Variants in CAPZA2 observed in about 807,000 individuals in gnomAD.
The protein encoded by CAPZA2 is capping actin protein of muscle Z-line subunit alpha 2.
CAPZA2 carries 13 observed loss-of-function variants against 44.0 expected under a neutral mutation model. That is an observed-to-expected ratio of 0.30 (90% CI 0.19 to 0.47). CAPZA2 has a LOEUF of 0.47. Ranked by LOEUF, CAPZA2 falls within the 20% of genes least tolerant of loss-of-function variation. The pLI, the probability that CAPZA2 is intolerant of heterozygous loss-of-function variation, is 1.00. For missense variants in CAPZA2, 244 were observed against 338.6 expected, an observed-to-expected ratio of 0.72 and a Z score of 2.19; for synonymous variants, 94 against 108.2, an observed-to-expected ratio of 0.87 and a Z score of 0.81.
intron 7 of CAPZA2, among the ~76,000 whole-genome samples, chr7:116,911,226 T>A (rs1389406666): frequency 6.6e-6 from 1 of 152,186 alleles, no homozygotes; most frequent in African/African-American, 2.4e-5. Context: ...TGATTCACAG[T>A]ACAGTCTTCA....
At chr7:116,902,829 T>A (rs1336945211) in intron 4 of CAPZA2, among the ~76,000 whole-genome samples, 2 of 152,176 alleles carry the variant, frequency 1.3e-5, no homozygotes, top group African/African-American at 4.8e-5. Flanking sequence ...CTCAATCTCC[T>A]GGGCTGAGTA....
At chr7:116,875,312 A>G (rs1190789188) in intron 1 of CAPZA2, 2 of 152,192 alleles carry the variant, frequency 1.3e-5, no homozygotes, top group Non-Finnish European at 2.9e-5. Context: ...TTGCTCCATC[A>G]AAGAACATTT....
chr7:116,904,403 T>A lies in CAPZA2; in HGVS notation c.426+20T>A. 1 of 1,479,682 alleles carries A rather than the reference T, an allele frequency of 6.8e-7. No individual in the cohort carries two copies. Among genetic ancestry groups the A allele is most frequent in the African/African-American group, 1.4e-5 (1 of 72,386 alleles). The allele number at this position is 1,479,682 out of a possible 1,614,324, so 91.7% of individuals were successfully genotyped here. A position where few individuals can be genotyped will look rare whatever the true frequency, so the allele number is the denominator to read the frequency against. On this transcript the variant is annotated intron_variant, in intron 5 of 9. Coordinates refer to ENST00000361183, the MANE Select transcript of CAPZA2 (RefSeq NM_006136.3). The stretch of plus-strand genomic sequence containing the variant: ...TGCACTGTAAGTCATCAGTAGCAGC[T>A]TTGTGTGTGTGTTTTGTGTAAATGT...
At chr7:116,888,279 T>G in intron 2 of CAPZA2, 89 bp downstream of exon 2, 1 of 842,400 alleles carries the variant, frequency 1.2e-6, no homozygotes, top group Non-Finnish European at 1.9e-6. Context: ...CTAAGGACAG[T>G]ATGCAGAAAA....
intron 1 of CAPZA2, among the ~76,000 whole-genome samples, chr7:116,883,437 G>C (rs1796724492): frequency 6.6e-6 from 1 of 152,218 alleles, no homozygotes; most frequent in African/African-American, 2.4e-5. Flanking sequence ...TTTACTGTGA[G>C]AGACATCCTT....
intron 1 of CAPZA2, among the ~76,000 whole-genome samples, chr7:116,871,453 T>G (rs1796553519): frequency 1.3e-5 from 2 of 152,200 alleles, no homozygotes; most frequent in South Asian, 4.1e-4. Context: ...ACCTTGTTAT[T>G]ATCTTCATTG....
At chr7:116,883,719 G>C (rs1057388022) in intron 1 of CAPZA2, among the ~76,000 whole-genome samples, 2 of 152,098 alleles carry the variant, frequency 1.3e-5, no homozygotes, top group African/African-American at 4.8e-5. Context: ...TAAAAATGCA[G>C]TACAGATCAT....
intron 6 of CAPZA2, chr7:116,909,945 G>A (rs1023581713): frequency 3.2e-5 from 12 of 373,428 alleles, no homozygotes; most frequent in African/African-American, 6.2e-5. Flanking sequence ...GTGGCAAACA[G>A]CACTGCACAC....
intron 1 of CAPZA2, chr7:116,886,104 T>C (rs531659961): frequency 6.5e-5 from 10 of 154,892 alleles, no homozygotes; most frequent in Admixed American, 2.6e-4. Context: ...AAAAAGATGA[T>C]AAGATGATAA....
intron 2 of CAPZA2, among the ~76,000 whole-genome samples, chr7:116,890,439 G>A (rs1796816062): frequency 6.8e-6 from 1 of 147,432 alleles, no homozygotes; most frequent in South Asian, 2.1e-4. Context: ...GGGAGGCCAA[G>A]CCCGGTGGAT....
intron 2 of CAPZA2, chr7:116,888,471 T>C: frequency 3.7e-6 from 1 of 273,562 alleles, no homozygotes; most frequent in Non-Finnish European, 6.7e-6. Flanking sequence ...AGAGTCTTTT[T>C]GGTAAATGGT....
intron 1 of CAPZA2, chr7:116,876,500 T>C (rs1193815544): frequency 2.0e-5 from 3 of 152,328 alleles, no homozygotes; most frequent in South Asian, 4.1e-4. Context: ...AAAAATAATA[T>C]GATCTGTGGA....
At chr7:116,902,887 T>C (rs532896201) in intron 4 of CAPZA2, among the ~76,000 whole-genome samples, 1 of 152,038 alleles carries the variant, frequency 6.6e-6, no homozygotes, top group African/African-American at 2.4e-5. Context: ...TTTTAAAAAA[T>C]TTTTTTGTAG....
intron 1 of CAPZA2, among the ~76,000 whole-genome samples, chr7:116,885,827 C>G (rs1355459094): frequency 6.6e-6 from 1 of 152,188 alleles, no homozygotes; most frequent in Non-Finnish European, 1.5e-5. Context: ...CCGAAGCTCT[C>G]CAAACCCTCT....
rs563325794 is a variant in CAPZA2, at chr7:116,907,082, A to G, written c.506+740A>G. Among the ~76,000 whole-genome samples, 67 of 152,360 alleles carry G rather than the reference A, an allele frequency of 4.4e-4. 1 individual carries two copies. Among genetic ancestry groups the G allele is most frequent in the African/African-American group, 1.5e-3 (64 of 41,596 alleles). On this transcript the variant is annotated intron_variant, in intron 6 of 9. Coordinates refer to ENST00000361183, the MANE Select transcript of CAPZA2 (RefSeq NM_006136.3). Reference sequence around the variant, plus strand: ...ATGGTCATAATATTTACCTTTTAGTATATTAGCCTTTGACTTACTAGCCAA... The same window carrying G: ...ATGGTCATAATATTTACCTTTTAGTGTATTAGCCTTTGACTTACTAGCCAA...
intron 1 of CAPZA2, among the ~76,000 whole-genome samples, chr7:116,868,702 C>T (rs1796512622): frequency 6.6e-6 from 1 of 152,074 alleles, no homozygotes; most frequent in Non-Finnish European, 1.5e-5. Context: ...CCACTGCATT[C>T]CAGCCTGGGC....
chr7:116,885,049 G>A (rs373870456), intron 1 of CAPZA2, among the ~76,000 whole-genome samples: 65 of 152,204 alleles, frequency 4.3e-4, no homozygotes, highest in Non-Finnish European at 5.4e-4. Context: ...CTTTGGCGGC[G>A]AAGTGTCTAT....
chr7:116,913,614 G>T (rs1041915988), intron 8 of CAPZA2, among the ~76,000 whole-genome samples: 17 of 151,514 alleles, frequency 1.1e-4, no homozygotes, highest in African/African-American at 3.4e-4. Context: ...TGTTGGTTTG[G>T]TTGGTTTTGT....
intron 3 of CAPZA2, 109 bp from the exon 4 acceptor site, chr7:116,898,663 C>T: frequency 1.7e-6 from 1 of 571,558 alleles, no homozygotes; most frequent in Non-Finnish European, 3.0e-6. Flanking sequence ...ATTTATTTTG[C>T]AGTGTGCAAT....
Sources: allele counts gnomAD v4.1 joint callset (sites outside exome capture counted in the v4.1 genomes callset), GRCh38; gene constraint gnomAD v4.1.1; transcripts MANE v1.5; gene names NCBI Gene and HGNC (gene_info 2026-07-23, HGNC 2026-07-21).